FTO: variants seen among roughly 807,000 people sequenced by gnomAD.
The protein encoded by FTO is FTO alpha-ketoglutarate dependent dioxygenase.
Under a neutral mutation model 63.9 loss-of-function variants are expected in FTO, and 47 were observed. That is an observed-to-expected ratio of 0.74 (90% CI 0.58 to 0.94). The LOEUF is 0.94. Ranked by LOEUF, FTO falls within the 40% of genes least tolerant of loss-of-function variation. The pLI is 0.00. For missense variants in FTO, 562 were observed against 618.1 expected, an observed-to-expected ratio of 0.91 and a Z score of 0.96; for synonymous variants, 207 against 224.4, an observed-to-expected ratio of 0.92 and a Z score of 0.69.
chr16:53,857,669 C>T (rs576347874), intron 4 of FTO, among the ~76,000 whole-genome samples: 7 of 152,288 alleles, frequency 4.6e-5, no homozygotes, highest in African/African-American at 1.7e-4. Context: ...TTCCCCCACA[C>T]AAAGGGTATC....
At chr16:53,800,418 A>C (rs1364709520) in intron 1 of FTO, among the ~76,000 whole-genome samples, 1 of 152,296 alleles carries the variant, frequency 6.6e-6, no homozygotes, top group East Asian at 1.9e-4. Flanking sequence ...GGTCTGTCTT[A>C]GCAAATATTG....
At chr16:53,931,871 AACACACACAC>A (rs35135177) in intron 7 of FTO, among the ~76,000 whole-genome samples, 265 of 145,798 alleles carry the variant, frequency 1.8e-3, no homozygotes, top group African/African-American at 3.3e-3. Flanking sequence ...TTTTACATTA[AACACACACAC>A]ACACACACAC....
chr16:53,706,270 C>G (rs949028202), intron 1 of FTO, among the ~76,000 whole-genome samples: 2 of 152,068 alleles, frequency 1.3e-5, no homozygotes, highest in Non-Finnish European at 2.9e-5. Context: ...TTCTCTTTTT[C>G]TAATCAATTT....
At chr16:53,944,313 A>G (rs1039064809) in intron 8 of FTO, among the ~76,000 whole-genome samples, 2 of 152,190 alleles carry the variant, frequency 1.3e-5, no homozygotes, top group Non-Finnish European at 2.9e-5. Flanking sequence ...GCTCTCCTTA[A>G]GTGTTCTCAT....
intron 8 of FTO, among the ~76,000 whole-genome samples, chr16:54,069,487 C>T (rs1299830668): frequency 2.6e-5 from 4 of 152,080 alleles, no homozygotes; most frequent in African/African-American, 4.8e-5. Context: ...GGAAATTATA[C>T]GTTCCATGGG....
chr16:53,767,165 G>A (rs1038841763), intron 1 of FTO, among the ~76,000 whole-genome samples: 1 of 152,052 alleles, frequency 6.6e-6, no homozygotes, highest in Non-Finnish European at 1.5e-5. Context: ...TTTTTCTTAG[G>A]AATCCTTAGC....
intron 4 of FTO, among the ~76,000 whole-genome samples, chr16:53,867,213 A>G (rs1358401467): frequency 3.3e-5 from 5 of 152,124 alleles, no homozygotes; most frequent in Admixed American, 2.6e-4. Context: ...TTCTAGTTTA[A>G]TTCCATTCTG....
intron 8 of FTO, among the ~76,000 whole-genome samples, chr16:54,055,757 A>G (rs184047663): frequency 6.6e-6 from 1 of 152,336 alleles, no homozygotes; most frequent in African/African-American, 2.4e-5. Flanking sequence ...TAAATGACAC[A>G]GGAAGGTTTT....
chr16:53,903,481 A>G (rs990200845), intron 7 of FTO, among the ~76,000 whole-genome samples: 3 of 151,650 alleles, frequency 2.0e-5, no homozygotes, highest in Non-Finnish European at 2.9e-5. Flanking sequence ...CTAGTCTCAA[A>G]CTCCTGACCT....
At chr16:53,941,556 T>C (rs2082529950) in intron 8 of FTO, among the ~76,000 whole-genome samples, 1 of 152,220 alleles carries the variant, frequency 6.6e-6, no homozygotes, top group Non-Finnish European at 1.5e-5. Context: ...CCGTAAAACA[T>C]ACACCTCAGG....
chr16:53,974,659 A>G (rs1483102388), intron 8 of FTO, among the ~76,000 whole-genome samples: 2 of 151,416 alleles, frequency 1.3e-5, no homozygotes, highest in Admixed American at 6.6e-5. Context: ...TGTCACACGC[A>G]CTCACTGCCT....
At chr16:53,972,738 T>A (rs1475869566) in intron 8 of FTO, among the ~76,000 whole-genome samples, 1 of 152,192 alleles carries the variant, frequency 6.6e-6, no homozygotes, top group Admixed American at 6.5e-5. Context: ...TTTAGGTACA[T>A]CCATCCCTCT....
intron 5 of FTO, among the ~76,000 whole-genome samples, chr16:53,878,975 T>G (rs9931209): frequency 0.056 from 8,591 of 152,264 alleles, 398 homozygotes; most frequent in African/African-American, 0.13. Context: ...AAAAGAGAAA[T>G]GAGTTCTTTG....
chr16:54,097,334 TG>T (rs1299853290), intron 8 of FTO, among the ~76,000 whole-genome samples: 1 of 144,360 alleles, frequency 6.9e-6, no homozygotes, highest in South Asian at 2.2e-4. Context: ...GTTTTTTTTT[TG>T]TTGTTGTTGT....
chr16:53,841,929 C>A (rs139463567), intron 3 of FTO, among the ~76,000 whole-genome samples: 67 of 152,272 alleles, frequency 4.4e-4, no homozygotes, highest in African/African-American at 1.5e-3. Context: ...GTCGTTGAAC[C>A]TCTCTCCTCT....
chr16:53,868,482 A>T (rs2151868118), intron 4 of FTO, among the ~76,000 whole-genome samples: 1 of 151,994 alleles, frequency 6.6e-6, no homozygotes, highest in African/African-American at 2.4e-5. Context: ...AATATTCCTA[A>T]TTTTTTTCTC....
chr16:54,030,927 G>A (rs1190762958), intron 8 of FTO, among the ~76,000 whole-genome samples: 1 of 152,196 alleles, frequency 6.6e-6, no homozygotes, highest in African/African-American at 2.4e-5. Context: ...AGACCATTAT[G>A]AAGCCTTAAA....
At chr16:53,990,685 T>TTTTATTTTA (rs2083789184) in intron 8 of FTO, among the ~76,000 whole-genome samples, 1 of 73,644 alleles carries the variant, frequency 1.4e-5, no homozygotes, top group African/African-American at 9.5e-5. Context: ...ATTTTATTTT[T>TTTTATTTTA]GAGACAGAGT....
chr16:53,972,353 C>G (rs2083344636), intron 8 of FTO, among the ~76,000 whole-genome samples: 1 of 152,056 alleles, frequency 6.6e-6, no homozygotes. Context: ...TGTCCAATAT[C>G]ATCCTTCATC....
Sources: allele counts gnomAD v4.1 joint callset (sites outside exome capture counted in the v4.1 genomes callset), GRCh38; gene constraint gnomAD v4.1.1; transcripts MANE v1.5; gene names NCBI Gene and HGNC (gene_info 2026-07-23, HGNC 2026-07-21).